The following ZMYND12 variants were observed in gnomAD, a reference collection of about 807,000 sequenced individuals.
ZMYND12 encodes the protein zinc finger MYND-type containing 12, also known as zinc finger MYND domain-containing protein 12.
In ZMYND12, 32 loss-of-function variants were observed where a neutral mutation model predicts 41.7. The ratio of observed to expected loss-of-function variants is 0.77; its 90% CI spans 0.58 to 1.03. ZMYND12 has a LOEUF of 1.03. Ranked by LOEUF, ZMYND12 falls within the 50% of genes least tolerant of loss-of-function variation. ZMYND12 has a pLI of 0.00. For missense variants in ZMYND12, 424 were observed against 438.5 expected (o/e 0.97, Z 0.30); for synonymous variants, 148 against 164.8 (o/e 0.90, Z 0.78).
chr1:42,453,567 T>A (rs143550643), intron 1 of ZMYND12, among the ~76,000 whole-genome samples: 1 of 152,294 alleles, frequency 6.6e-6, no homozygotes, highest in Non-Finnish European at 1.5e-5. Context: ...ATATGAGTCA[T>A]CTGAGAGATA....
chr1:42,439,853 T>A lies in ZMYND12; in HGVS notation c.594+3A>T. 8 of 1,604,724 alleles carry A rather than the reference T, an allele frequency of 5.0e-6. No individual in the cohort carries two copies. Among genetic ancestry groups the A allele is most frequent in the Non-Finnish European group, 6.8e-6 (8 of 1,176,950 alleles). Reference sequence around the variant, plus strand: ...TACAGGTGTTATAACTTAGCTTGTTTACATCATTGGCCAGATGATAACGGG... The same window carrying A: ...TACAGGTGTTATAACTTAGCTTGTTAACATCATTGGCCAGATGATAACGGG... On this transcript the variant is annotated splice_donor_region_variant and intron_variant, in intron 4 of 7. Transcript: ENST00000372565.
chr1:42,452,210 A>G (rs897997699), intron 1 of ZMYND12, among the ~76,000 whole-genome samples: 2 of 152,068 alleles, frequency 1.3e-5, no homozygotes, highest in African/African-American at 4.8e-5. Context: ...CTTTTGTTTG[A>G]CATATGAAGC....
At chr1:42,431,943 G>A (rs374620095) in intron 7 of ZMYND12, among the ~76,000 whole-genome samples, 3 of 152,186 alleles carry the variant, frequency 2.0e-5, no homozygotes, top group East Asian at 1.9e-4. Context: ...AGGGAGGAAA[G>A]GAGTCTTAAA....
chr1:42,450,701 A>G (rs1643074068), intron 1 of ZMYND12, among the ~76,000 whole-genome samples: 1 of 152,224 alleles, frequency 6.6e-6, no homozygotes, highest in Non-Finnish European at 1.5e-5. Context: ...AATGTAATGT[A>G]TATTAGTATA....
At chr1:42,441,713 C>T (rs1013019172) in intron 3 of ZMYND12, among the ~76,000 whole-genome samples, 24 of 151,830 alleles carry the variant, frequency 1.6e-4, no homozygotes, top group Admixed American at 1.4e-3. Context: ...CTCCGCCTCC[C>T]AGGTTCACGC....
At position 42,439,991 on chromosome 1, in the gene ZMYND12, T is replaced by A; in HGVS notation, c.459A>T (p.Leu153=). 6.2e-7 allele frequency: 1 copy of A among 1,613,166 alleles called. No homozygotes were observed. The highest frequency in any genetic ancestry group is 8.5e-7 in the Non-Finnish European group (1 of 1,179,768). ...TGAGGACTGTCCACTGGGCTTGGAA[T>A]AGATATTCTTCAGCCTGAACGATTC... ...LGRIVQAEEY[L]FQAQWTVLKS... The change falls in exon 4 of 8, where the codon CTA becomes CTT. Residue 153 remains leucine, a synonymous_variant. Transcript: ENST00000372565.
At chr1:42,453,101 A>T (rs1643099763) in intron 1 of ZMYND12, among the ~76,000 whole-genome samples, 1 of 152,228 alleles carries the variant, frequency 6.6e-6, no homozygotes, top group African/African-American at 2.4e-5. Flanking sequence ...TAGATGCTTT[A>T]CATTCGACCA....
At chr1:42,445,087 T>C (rs1643009649) in intron 3 of ZMYND12, among the ~76,000 whole-genome samples, 1 of 149,324 alleles carries the variant, frequency 6.7e-6, no homozygotes, top group Admixed American at 6.6e-5. Context: ...GGATTACAGG[T>C]GTGAGCCACC....
rs1017887706 is a variant in ZMYND12 at position 42,437,506 on chromosome 1, G to C, written c.595-963C>G. 3.5e-5 allele frequency among the ~76,000 whole-genome samples: 5 copies of C among 142,752 alleles called. No individual in the cohort carries two copies. The East Asian group carries it at 6.7e-4, about 19-fold the overall frequency. The allele number at this position is 142,752 out of a possible 152,430, so 93.7% of individuals were successfully genotyped here. A position where few individuals can be genotyped will look rare whatever the true frequency, so the allele number is the denominator to read the frequency against. On this transcript the variant is annotated intron_variant, in intron 4 of 7. Transcript: ENST00000372565. The stretch of plus-strand genomic sequence containing the variant: ...TAAAAAGCTAGGCTAAGGAATCTGA[G>C]CTTGTGCTAATTTTTTTTTTTTTTA...
rs1364382666 is a variant in ZMYND12, at chr1:42,450,002, G to A, written c.168C>T (p.Leu56=). 13 of 1,613,958 alleles carry A rather than the reference G, an allele frequency of 8.1e-6. No homozygotes were observed. The highest frequency in any genetic ancestry group is 1.1e-5 in the Non-Finnish European group (13 of 1,180,030). The stretch of plus-strand genomic sequence containing the variant: ...GCATGGAAGTGCGCAGTGGAATCAA[G>A]AGCTGACATATTTTCTCATGGATGC... ...WDSIHEKICQ[L]LIPLRTSMPF... Residue 56 remains leucine (L), a synonymous_variant, in exon 2 of 8, where the codon CTC becomes CTT. Transcript: ENST00000372565.
In ZMYND12 at chr1:42,444,802, CTTTTTTTTTTT is replaced by C. The variant is rs34129195; in HGVS notation, c.424+3654_424+3664del. 4.0e-5 allele frequency among the ~76,000 whole-genome samples: 5 copies of C among 124,556 alleles called. No individual in the cohort carries two copies. The East Asian group carries it at 9.4e-4, about 23-fold the overall frequency. The allele number at this position is 124,556 out of a possible 152,430, so 81.7% of individuals were successfully genotyped here. A position where few individuals can be genotyped will look rare whatever the true frequency, so the allele number is the denominator to read the frequency against. On this transcript the variant is annotated intron_variant, in intron 3 of 7. Transcript: ENST00000372565. ...AAGTGCTCAGAAGAAAGGAGTAGTT[CTTTTTTTTTTT>C]TTTTTTTTTGAGACGGAGTCTCGCT...
intron 7 of ZMYND12, among the ~76,000 whole-genome samples, chr1:42,431,687 T>C (rs1441022534): frequency 1.3e-5 from 2 of 152,222 alleles, no homozygotes; most frequent in African/African-American, 2.4e-5. Context: ...CAGTGGAAAA[T>C]TGGACATTGC....
chr1:42,448,532 T>C lies in ZMYND12; in HGVS notation c.359A>G (p.Lys120Arg). 1 of 1,613,860 alleles carries C rather than the reference T, an allele frequency of 6.2e-7. No homozygotes were observed. Among genetic ancestry groups the C allele is most frequent in the East Asian group, 2.2e-5 (1 of 44,856 alleles). The change falls in exon 3 of 8, where the codon AAG becomes AGG. Residue 120 changes from lysine to arginine, a missense_variant. By Grantham distance (26) the Lys-to-Arg change is conservative. Transcript: ENST00000372565. ...AALQSLRFRV[K>R]LYGLSSVELV... Reference sequence around the variant, plus strand: ...CTCTACGGAGCTCAGGCCATACAGCTTCACACGGAAGCGAAGGGACTGCAA... The same window carrying C: ...CTCTACGGAGCTCAGGCCATACAGCCTCACACGGAAGCGAAGGGACTGCAA...
intron 3 of ZMYND12, among the ~76,000 whole-genome samples, chr1:42,444,528 A>T (rs1473502763): frequency 6.6e-6 from 1 of 152,186 alleles, no homozygotes; most frequent in Non-Finnish European, 1.5e-5. Flanking sequence ...ACTCGAACTC[A>T]TTTCACCCTT....
intron 3 of ZMYND12, among the ~76,000 whole-genome samples, chr1:42,442,571 T>C (rs576209398): frequency 2.6e-5 from 4 of 152,262 alleles, no homozygotes; most frequent in African/African-American, 9.6e-5. Flanking sequence ...ACTACGTCAG[T>C]GTGCTGCAGG....
chr1:42,444,122 C>T (rs776633956), intron 3 of ZMYND12, among the ~76,000 whole-genome samples: 1 of 152,062 alleles, frequency 6.6e-6, no homozygotes, highest in African/African-American at 2.4e-5. Context: ...TTCGACTTCC[C>T]GAAGTGCTGA....
intron 4 of ZMYND12, among the ~76,000 whole-genome samples, chr1:42,438,507 T>C (rs1195291525): frequency 2.6e-5 from 4 of 152,100 alleles, no homozygotes; most frequent in Non-Finnish European, 5.9e-5. Flanking sequence ...AGGAACACTG[T>C]TCCTGACAGA....
chr1:42,448,202 A>G (rs1470740974), intron 3 of ZMYND12, among the ~76,000 whole-genome samples: 8 of 152,224 alleles, frequency 5.3e-5, no homozygotes, highest in Non-Finnish European at 7.3e-5. Context: ...CTAGTCCCTC[A>G]TGAAGCCTCA....
intron 5 of ZMYND12, 85 bp downstream of exon 5, chr1:42,436,336 G>T: frequency 6.4e-7 from 1 of 1,560,766 alleles, no homozygotes; most frequent in Non-Finnish European, 8.8e-7. Context: ...CTCATGAATG[G>T]TATGTTTTTC....
Sources: allele counts gnomAD v4.1 joint callset (sites outside exome capture counted in the v4.1 genomes callset), GRCh38; gene constraint gnomAD v4.1.1; transcripts MANE v1.5; gene names NCBI Gene and HGNC (gene_info 2026-07-23, HGNC 2026-07-21).